The following TNIP3 variants were observed in gnomAD, a reference collection of about 807,000 sequenced individuals.
TNIP3 encodes TNFAIP3-interacting protein 3.
TNIP3 carries 34 observed loss-of-function variants against 54.1 expected under a neutral mutation model. The observed-to-expected ratio is 0.63, with a 90% confidence interval of 0.48 to 0.84. TNIP3 has a LOEUF of 0.84. Ranked by LOEUF, TNIP3 falls within the 40% of genes least tolerant of loss-of-function variation. TNIP3 has a pLI of 0.00. For synonymous variants in TNIP3, 134 were observed against 136.8 expected, an observed-to-expected ratio of 0.98 and a Z score of 0.14; for missense variants, 366 against 387.6, an observed-to-expected ratio of 0.94 and a Z score of 0.47.
rs1553939169 is a variant in TNIP3, at chr4:121,222,811, T to TTTTTTTTG, written c.3+4573_3+4574insCAAAAAAA. ...TGAGGGTGTTTTTTGTGCGTTTTTT[T>TTTTTTTTG]TTTTTTTTTTTTGAGACGGAGTCTC... On this transcript the variant is annotated intron_variant, in intron 1 of 12. Transcript: ENST00000509841. Among the ~76,000 whole-genome samples the TTTTTTTTG allele has an allele frequency of 1.2e-3, 166 of 142,902 alleles. 1 individual carries two copies. Among genetic ancestry groups the TTTTTTTTG allele is most frequent in the African/African-American group, 4.2e-3 (159 of 38,174 alleles). 93.7% of individuals were successfully genotyped at this position (142,902 alleles called of 152,430 possible). A position where few individuals can be genotyped will look rare whatever the true frequency, so the allele number is the denominator to read the frequency against.
chr4:121,153,477 T>C (rs1049857679), intron 5 of TNIP3, among the ~76,000 whole-genome samples: 1 of 152,192 alleles, frequency 6.6e-6, no homozygotes, highest in African/African-American at 2.4e-5. Flanking sequence ...TGTGCAACAT[T>C]TTCTGGAAAA....
intron 2 of TNIP3, among the ~76,000 whole-genome samples, chr4:121,203,498 G>T (rs960466507): frequency 6.6e-6 from 1 of 152,088 alleles, no homozygotes; most frequent in African/African-American, 2.4e-5. Flanking sequence ...AGGGATAAAA[G>T]ACTATACATT....
chr4:121,150,196 G>A lies in TNIP3; in HGVS notation c.516C>T (p.Ile172=). 2 of 1,613,180 alleles carry A rather than the reference G, an allele frequency of 1.2e-6. No individual in the cohort carries two copies. Among genetic ancestry groups the A allele is most frequent in the African/African-American group, 1.3e-5 (1 of 74,966 alleles). The change falls in exon 6 of 11, where the codon ATC becomes ATT. Residue 172 remains isoleucine (I), a synonymous_variant. Coordinates refer to ENST00000057513, the MANE Select transcript of TNIP3 (RefSeq NM_024873.6). ...LNKALQDALN[I]KCSFSEDCLR... Reference sequence around the variant, plus strand: ...AACAGTCCTCGGAAAATGAACACTTGATATTCAAGGCATCCTGAAGAGCCT... The same window carrying A: ...AACAGTCCTCGGAAAATGAACACTTAATATTCAAGGCATCCTGAAGAGCCT...
chr4:121,206,052 T>G (rs1315469898), intron 2 of TNIP3, among the ~76,000 whole-genome samples: 1 of 152,100 alleles, frequency 6.6e-6, no homozygotes, highest in Non-Finnish European at 1.5e-5. Flanking sequence ...GAGAACAGCA[T>G]GGGGGTAACT....
intron 2 of TNIP3, among the ~76,000 whole-genome samples, chr4:121,207,531 G>A (rs1457758233): frequency 6.6e-6 from 1 of 152,064 alleles, no homozygotes; most frequent in Non-Finnish European, 1.5e-5. Flanking sequence ...ATGTTTAAAT[G>A]CTTTATTTAA....
chr4:121,134,523 A>G (rs1199044412), intron 10 of TNIP3, among the ~76,000 whole-genome samples: 1 of 152,248 alleles, frequency 6.6e-6, no homozygotes, highest in Non-Finnish European at 1.5e-5. Context: ...AATGTATTAA[A>G]AACATCATTA....
At chr4:121,208,192 G>A (rs1726288147) in intron 2 of TNIP3, among the ~76,000 whole-genome samples, 1 of 151,938 alleles carries the variant, frequency 6.6e-6, no homozygotes, top group Non-Finnish European at 1.5e-5. Context: ...TTCTACCTGG[G>A]GACCAGACTG....
At chr4:121,212,398 A>C (rs535031718) in intron 2 of TNIP3, among the ~76,000 whole-genome samples, 36 of 152,336 alleles carry the variant, frequency 2.4e-4, no homozygotes, top group Middle Eastern at 3.4e-3. Flanking sequence ...AATAAATAAG[A>C]TTGAGAGACT....
At chr4:121,150,261 A>G (rs1199863249) in intron 5 of TNIP3, 42 bp from the exon 6 acceptor site, 3 of 1,222,466 alleles carry the variant, frequency 2.5e-6, no homozygotes, top group Admixed American at 3.8e-5. Flanking sequence ...AAGATTTACC[A>G]CATGGAATGA....
intron 1 of TNIP3, among the ~76,000 whole-genome samples, chr4:121,162,533 G>A (rs1205265167): frequency 6.6e-6 from 1 of 152,188 alleles, no homozygotes; most frequent in Non-Finnish European, 1.5e-5. Flanking sequence ...AGACTTCCAA[G>A]AAACTGGACC....
upstream of TNIP3, among the ~76,000 whole-genome samples, chr4:121,221,215 TG>T (rs1356211005): frequency 3.3e-5 from 5 of 152,206 alleles, no homozygotes; most frequent in Non-Finnish European, 1.5e-5. Flanking sequence ...ACCTTGGTTA[TG>T]TTTTTCTAAT....
chr4:121,200,769 C>A (rs1244720633), intron 2 of TNIP3, among the ~76,000 whole-genome samples: 2 of 152,096 alleles, frequency 1.3e-5, no homozygotes, highest in East Asian at 3.8e-4. Context: ...CCTCAGAGAG[C>A]TTTTTGTTCC....
chr4:121,180,701 G>A (rs914069103), intron 3 of TNIP3, among the ~76,000 whole-genome samples: 3 of 152,256 alleles, frequency 2.0e-5, no homozygotes, highest in Admixed American at 2.0e-4. Context: ...GAGAGGTGAT[G>A]GAGAGATTAG....
At chr4:121,154,101 G>A (rs566158139) in intron 5 of TNIP3, 1 of 186,890 alleles carries the variant, frequency 5.4e-6, no homozygotes, top group African/African-American at 2.4e-5. Flanking sequence ...TTGCACTTGA[G>A]AGAGCTATCA....
chr4:121,152,951 AT>A (rs1729848596), intron 5 of TNIP3, among the ~76,000 whole-genome samples: 2 of 152,178 alleles, frequency 1.3e-5, no homozygotes, highest in Non-Finnish European at 2.9e-5. Context: ...TAGAAAACAA[AT>A]AAAGTCATAA....
chr4:121,162,732 TG>T, intron 1 of TNIP3, among the ~76,000 whole-genome samples: 1 of 152,236 alleles, frequency 6.6e-6, no homozygotes, highest in South Asian at 2.1e-4. Flanking sequence ...TAGAGCATCC[TG>T]AACAATGGAT....
At chr4:121,209,022 C>A (rs1384936002) in intron 2 of TNIP3, among the ~76,000 whole-genome samples, 3 of 152,134 alleles carry the variant, frequency 2.0e-5, no homozygotes, top group Non-Finnish European at 4.4e-5. Flanking sequence ...TGTAAATACT[C>A]TTAAAAAATT....
At chr4:121,218,755 C>T (rs1726909768), upstream of TNIP3, among the ~76,000 whole-genome samples, 1 of 131,456 alleles carries the variant, frequency 7.6e-6, no homozygotes, top group South Asian at 2.1e-4. Flanking sequence ...TCAAGCAATT[C>T]CCCTCCCTCA....
intron 2 of TNIP3, among the ~76,000 whole-genome samples, chr4:121,159,488 T>C (rs949815505): frequency 1.3e-5 from 2 of 152,248 alleles, no homozygotes; most frequent in Non-Finnish European, 1.5e-5. Context: ...TTCTTTGTGC[T>C]TACACTGATT....
Sources: gnomAD v4.1 joint callset for allele counts (sites outside exome capture counted in the v4.1 genomes callset) on GRCh38, gnomAD v4.1.1 for gene constraint, MANE v1.5 for transcripts, NCBI Gene and HGNC (gene_info 2026-07-23, HGNC 2026-07-21) for gene names.